The following FRAS1 variants were observed in gnomAD, a reference collection of about 807,000 sequenced individuals.
The protein encoded by FRAS1 is extracellular matrix organizing protein FRAS1.
FRAS1 carries 290 observed loss-of-function variants against 435.2 expected under a neutral mutation model. The observed-to-expected ratio is 0.67, with a 90% confidence interval of 0.61 to 0.73. The LOEUF is 0.73. FRAS1 is among the 30% of genes least tolerant of loss of function. The pLI is 0.00. For missense variants in FRAS1, 4,860 were observed against 5,001.5 expected, an observed-to-expected ratio of 0.97 and a Z score of 0.85; for synonymous variants, 1,800 against 1,851.0, an observed-to-expected ratio of 0.97 and a Z score of 0.71.
At chr4:78,308,855 A>G (rs1005546860) in intron 15 of FRAS1, among the ~76,000 whole-genome samples, 1 of 152,152 alleles carries the variant, frequency 6.6e-6, no homozygotes, top group Non-Finnish European at 1.5e-5. Flanking sequence ...TGAAACGGGG[A>G]TAATAGTAGC....
At chr4:78,475,717 T>C in intron 54 of FRAS1, 111 bp downstream of exon 54, 2 of 973,220 alleles carry the variant, frequency 2.1e-6, no homozygotes, top group East Asian at 2.5e-5. Flanking sequence ...CTGGTGTCCT[T>C]CTTCAAGTAT....
chr4:78,119,166 C>T (rs772433817), intron 2 of FRAS1, among the ~76,000 whole-genome samples: 6 of 152,076 alleles, frequency 3.9e-5, no homozygotes, highest in Non-Finnish European at 7.4e-5. Flanking sequence ...TCATCTTAAA[C>T]ATTTATCACT....
At chr4:78,074,599 G>C (rs1224885024) in intron 2 of FRAS1, among the ~76,000 whole-genome samples, 1 of 152,120 alleles carries the variant, frequency 6.6e-6, no homozygotes, top group South Asian at 2.1e-4. Flanking sequence ...TGTGTTGGCA[G>C]AGTCCTGATT....
intron 2 of FRAS1, among the ~76,000 whole-genome samples, chr4:78,138,919 C>G (rs1456980189): frequency 6.6e-6 from 1 of 152,096 alleles, no homozygotes; most frequent in Non-Finnish European, 1.5e-5. Context: ...CTGAAGATCT[C>G]TCTAAGTTCT....
At chr4:78,422,727 G>T (rs1231153671) in intron 34 of FRAS1, among the ~76,000 whole-genome samples, 1 of 152,194 alleles carries the variant, frequency 6.6e-6, no homozygotes, top group East Asian at 1.9e-4. Flanking sequence ...CCCAGTGGAA[G>T]TTTTCAGGTA....
At chr4:78,116,244 T>C (rs1010739197) in intron 2 of FRAS1, among the ~76,000 whole-genome samples, 1 of 152,212 alleles carries the variant, frequency 6.6e-6, no homozygotes, top group Non-Finnish European at 1.5e-5. Flanking sequence ...AGTGCTTTAC[T>C]TCCAACTATG....
intron 2 of FRAS1, among the ~76,000 whole-genome samples, chr4:78,092,863 C>T (rs17418552): frequency 0.11 from 16,727 of 152,214 alleles, 1,199 homozygotes; most frequent in Admixed American, 0.16. Context: ...TCCTGCAAAT[C>T]CTCACAAAGC....
At position 78,374,263 on chromosome 4, in the gene FRAS1, A is replaced by G; in HGVS notation, c.3151+12A>G. 6.6e-7 allele frequency: 1 copy of G among 1,525,910 alleles called. No individual in the cohort carries two copies. Among genetic ancestry groups the G allele is most frequent in the Non-Finnish European group, 8.9e-7 (1 of 1,123,712 alleles). 94.5% of individuals were successfully genotyped at this position (1,525,910 alleles called of 1,614,324 possible). ...GCACAAATGCACAGGTAACTTGGAG[A>G]CTGCTGATTATTCTGGAAAGAAGTG... is the stretch of plus-strand genomic sequence containing the variant. On this transcript the variant is annotated intron_variant, in intron 25 of 73. Transcript: ENST00000512123.
At chr4:78,431,070 C>T (rs916714935) in intron 37 of FRAS1, among the ~76,000 whole-genome samples, 4 of 152,314 alleles carry the variant, frequency 2.6e-5, no homozygotes, top group African/African-American at 9.6e-5. Context: ...AAAGTACCCA[C>T]CTCTGGATGC....
rs1000137932 is a variant in FRAS1, at chr4:78,114,917, A to G, written c.108+48901A>G. Among the ~76,000 whole-genome samples the G allele has an allele frequency of 1.2e-4, 19 of 152,126 alleles. 1 individual carries two copies. Among genetic ancestry groups the G allele is most frequent in the Admixed American group, 9.2e-4 (14 of 15,272 alleles). Reference sequence around the variant, plus strand: ...ATCCCTGTCTTGTGCCAGTTTTCAAAGGGAATGCTTCCAGTTTTTGCCCAT... The same window carrying G: ...ATCCCTGTCTTGTGCCAGTTTTCAAGGGGAATGCTTCCAGTTTTTGCCCAT... On this transcript the variant is annotated intron_variant, in intron 2 of 73. Transcript: ENST00000512123.
chr4:78,315,472 C>T, intron 15 of FRAS1, 122 bp from the exon 16 acceptor site: 1 of 1,038,534 alleles, frequency 9.6e-7, no homozygotes, highest in Non-Finnish European at 1.4e-6. Context: ...CAGAATTTTG[C>T]TGAGCAGCCA....
chr4:78,499,131 T>TA (rs1720599278), intron 60 of FRAS1, among the ~76,000 whole-genome samples: 1 of 152,208 alleles, frequency 6.6e-6, no homozygotes, highest in African/African-American at 2.4e-5. Flanking sequence ...GTTACCCTTG[T>TA]AGCCAGTCAC....
intron 23 of FRAS1, among the ~76,000 whole-genome samples, chr4:78,371,084 TTTTTTTG>T (rs1731486094): frequency 9.7e-6 from 1 of 102,656 alleles, no homozygotes; most frequent in Non-Finnish European, 1.9e-5. Context: ...TTTTTTTCTG[TTTTTTTG>T]TTTTTTTTTT....
chr4:78,338,132 A>G (rs1730250342), intron 20 of FRAS1: 1 of 245,114 alleles, frequency 4.1e-6, no homozygotes. Context: ...TGTTCTGAAA[A>G]TAAGTCACTC....
rs1156593657 is a variant in FRAS1 at position 78,379,939 on chromosome 4, G to T, written c.3506G>T (p.Ser1169Ile). 1 of 1,613,900 alleles carries T rather than the reference G, an allele frequency of 6.2e-7. No individual in the cohort carries two copies. The highest frequency in any genetic ancestry group is 2.2e-5 in the East Asian group (1 of 44,882). Residue 1169 changes from serine (S) to isoleucine (I), a missense_variant, in exon 27 of 74, where the codon AGC becomes ATC. Physicochemically the swap from Ser to Ile is moderately radical, Grantham distance 142. Coordinates refer to ENST00000512123, the MANE Select transcript of FRAS1 (RefSeq NM_025074.7). ...CAGCTGGACAAGGCTGGCCGTTTTA[G>T]CTGGAAAGATGTGAACGAGAAGAAA... ...EVQLDKAGRF[S>I]WKDVNEKKVR...
At chr4:78,283,882 A>T (rs1260189062) in intron 12 of FRAS1, among the ~76,000 whole-genome samples, 1 of 152,238 alleles carries the variant, frequency 6.6e-6, no homozygotes, top group Non-Finnish European at 1.5e-5. Context: ...CTTGCTGATA[A>T]TTACCACTAA....
At chr4:78,475,248 T>G (rs1247698406) in intron 53 of FRAS1, among the ~76,000 whole-genome samples, 190 bp from the exon 54 acceptor site, 4 of 152,234 alleles carry the variant, frequency 2.6e-5, no homozygotes, top group Non-Finnish European at 4.4e-5. Context: ...GCTTCCCTGT[T>G]TGTTTCGTGC....
intron 1 of FRAS1, among the ~76,000 whole-genome samples, chr4:78,063,445 G>C (rs2109844723): frequency 6.6e-6 from 1 of 152,300 alleles, no homozygotes. Context: ...AGGTAGAACT[G>C]TTCTGTTTTA....
At chr4:78,357,416 T>C (rs1282021157) in intron 20 of FRAS1, among the ~76,000 whole-genome samples, 2 of 152,130 alleles carry the variant, frequency 1.3e-5, no homozygotes, top group Non-Finnish European at 2.9e-5. Context: ...CACTCTACTA[T>C]TGGAATCTTG....
Sources: gnomAD v4.1 joint callset for allele counts (sites outside exome capture counted in the v4.1 genomes callset) on GRCh38, gnomAD v4.1.1 for gene constraint, MANE v1.5 for transcripts, NCBI Gene and HGNC (gene_info 2026-07-23, HGNC 2026-07-21) for gene names.